RPS2: variants seen among roughly 807,000 people sequenced by gnomAD.
RPS2 encodes ribosomal protein S2, also known as small ribosomal subunit protein uS5.
RPS2 carries 8 observed loss-of-function variants against 25.3 expected under a neutral mutation model. That is an observed-to-expected ratio of 0.32 (90% confidence interval 0.19 to 0.57). The LOEUF is 0.57. Among genes scored for constraint, RPS2 ranks in the 20% least tolerant of loss-of-function variants. The probability of loss-of-function intolerance (pLI) is 0.90; values close to 1 mark genes in which losing one functional copy is unlikely to be tolerated. For synonymous variants in RPS2, 181 were observed against 161.3 expected (o/e 1.12, Z -0.92); for missense variants, 229 against 408.1 (o/e 0.56, Z 3.78).
intron 3 of RPS2, chr16:1,964,050 T>C (rs2083283875): frequency 3.5e-6 from 2 of 569,216 alleles, no homozygotes; most frequent in African/African-American, 1.9e-5. Context: ...TCGCTGCGAA[T>C]GTGGGAAGAT....
rs770595602 is a variant in RPS2, at chr16:1,963,291, A to T, written c.268-35T>A. On this transcript the variant is annotated intron_variant, in intron 3 of 6. Coordinates refer to ENST00000343262, the MANE Select transcript of RPS2 (RefSeq NM_002952.4). ...ACAAGAAAATTGTAGGGAGAGCATT[A>T]AAAAAAAACTTAATACCATTATGAT... 2.0e-5 allele frequency: 27 copies of T among 1,328,942 alleles called. No individual in the cohort carries two copies. In the East Asian group the frequency reaches 2.1e-4, roughly 10 times the overall value. The allele number at this position is 1,328,942 out of a possible 1,614,324, so 82.3% of individuals were successfully genotyped here.
At chr16:1,964,649 G>T (rs370748036) in intron 1 of RPS2, 21 bp from the exon 2 acceptor site, 3 of 1,280,456 alleles carry the variant, frequency 2.3e-6, no homozygotes, top group South Asian at 2.9e-5. Context: ...CGACAAGAAG[G>T]AACTAGTCAG....
chr16:1,964,482 G>C lies in RPS2; in HGVS notation c.144C>G (p.Arg48=), dbSNP rs758136691. Residue 48 remains arginine (R), a synonymous_variant, in exon 2 of 7, where the codon CGC becomes CGG. Transcript: ENST00000343262. ...RGRGRGRGRG[R]GARGGKAEDK... Reference sequence around the variant, plus strand: ...CCTCGGCCTTGCCTCCGCGAGCTCCGCGGCCTCGGCCCCGGCCCCGTCCAC... The same window carrying C: ...CCTCGGCCTTGCCTCCGCGAGCTCCCCGGCCTCGGCCCCGGCCCCGTCCAC... The C allele has an allele frequency of 6.2e-7, 1 of 1,608,092 alleles. No homozygotes were observed. The highest frequency in any genetic ancestry group is 8.5e-7 in the Non-Finnish European group (1 of 1,178,486).
chr16:1,964,129 C>A (rs11643780), intron 3 of RPS2, 147 bp downstream of exon 3: 68,359 of 660,710 alleles, frequency 0.1, 4,271 homozygotes, highest in Non-Finnish European at 0.13. Context: ...GGAATCCTCT[C>A]CTCAGCCAGC....
In RPS2 at chr16:1,963,553, T is replaced by C. The variant is rs949690931; in HGVS notation, c.268-297A>G. On this transcript the variant is annotated intron_variant, in intron 3 of 6. Transcript: ENST00000343262. ...ATCGCTTGAACCTGGGAGGTGGAGG[T>C]TGCAGTGAGCCGAGATCACGCCAGC... The C allele has an allele frequency of 3.1e-5, 11 of 358,330 alleles. 1 individual carries two copies. Among genetic ancestry groups the C allele is most frequent in the African/African-American group, 1.3e-4 (6 of 46,792 alleles). 22.2% of individuals were successfully genotyped at this position (358,330 alleles called of 1,614,324 possible).
intron 3 of RPS2, 94 bp from the exon 4 acceptor site, chr16:1,963,350 G>A (rs2083275500): frequency 5.1e-6 from 4 of 777,096 alleles, no homozygotes; most frequent in East Asian, 2.8e-5. Context: ...GGGGGCGGTG[G>A]CTCAAGCCTG....
chr16:1,963,005 C>G, intron 4 of RPS2, 96 bp from the exon 5 acceptor site: 1 of 1,432,946 alleles, frequency 7.0e-7, no homozygotes. Context: ...AGAGAGGCCA[C>G]AGTAAGGCCC....
intron 3 of RPS2, chr16:1,963,548 G>C (rs963822787): frequency 2.8e-6 from 1 of 362,396 alleles, no homozygotes; most frequent in African/African-American, 2.1e-5. Flanking sequence ...CCTGGGAGGT[G>C]GAGGTTGCAG....
In RPS2 at chr16:1,963,217, TGAGA is replaced by T. The variant is rs1441691603; in HGVS notation, c.303_306del (p.Leu102ArgfsTer5). ...GGCATAATCTTCAAAACCTCATCCT[TGAGA>T]GAGGCCCCCAGGAAGAAATCAATGA... On this transcript the variant is annotated frameshift_variant, in exon 4 of 7. Coordinates refer to ENST00000343262, the MANE Select transcript of RPS2 (RefSeq NM_002952.4). LOFTEE classifies it high-confidence loss of function. The T allele has an allele frequency of 6.4e-7, 1 of 1,558,166 alleles. No individual in the cohort carries two copies. Among genetic ancestry groups the T allele is most frequent in the Admixed American group, 1.9e-5 (1 of 53,598 alleles).
Sources: allele counts gnomAD v4.1 joint callset, GRCh38; gene constraint gnomAD v4.1.1; transcripts MANE v1.5; gene names NCBI Gene and HGNC (gene_info 2026-07-23, HGNC 2026-07-21).